RORA: variants seen among roughly 807,000 people sequenced by gnomAD.
The protein encoded by RORA is nuclear receptor ROR-alpha.
In RORA, 7 loss-of-function variants were observed where a neutral mutation model predicts 69.5. The ratio of observed to expected loss-of-function variants is 0.10; its 90% CI spans 0.06 to 0.19. RORA has a LOEUF of 0.19. Among genes scored for constraint, RORA ranks in the 10% least tolerant of loss-of-function variants. The pLI is 1.00. For synonymous variants in RORA, 261 were observed against 240.8 expected, an observed-to-expected ratio of 1.08 and a Z score of -0.78; for missense variants, 457 against 663.0, an observed-to-expected ratio of 0.69 and a Z score of 3.41.
At chr15:61,077,184 C>A (rs2078464209) in intron 1 of RORA, among the ~76,000 whole-genome samples, 1 of 145,466 alleles carries the variant, frequency 6.9e-6, no homozygotes. Flanking sequence ...TAGATGATAC[C>A]AGGTGTGATC....
rs1164728876 is a variant in RORA, at chr15:61,054,802, G to GT, written c.166+174250dup. ...TAACTTTCATCATGCATTTAAAACAGTTTTTTTTTGTTTTTTGTTTTTTGT... is the reference window on the plus strand; with the variant it reads ...TAACTTTCATCATGCATTTAAAACAGTTTTTTTTTTGTTTTTTGTTTTTTGT... On this transcript the variant is annotated intron_variant, in intron 1 of 10. Coordinates refer to ENST00000335670, the MANE Select transcript of RORA (RefSeq NM_134261.3). Among the ~76,000 whole-genome samples the GT allele has an allele frequency of 3.5e-4, 52 of 147,650 alleles. 1 individual carries two copies. The South Asian group carries it at 4.4e-3, about 12-fold the overall frequency.
intron 1 of RORA, among the ~76,000 whole-genome samples, chr15:61,138,965 G>A (rs1215945655): frequency 3.9e-5 from 6 of 152,212 alleles, no homozygotes; most frequent in Admixed American, 2.0e-4. Flanking sequence ...CTAACAGGGT[G>A]AAACCCCGTC....
intron 2 of RORA, among the ~76,000 whole-genome samples, chr15:60,554,296 A>G (rs796341465): frequency 6.6e-6 from 1 of 152,246 alleles, no homozygotes; most frequent in African/African-American, 2.4e-5. Context: ...AGGCTATTAT[A>G]TGGAAGTGTA....
chr15:60,867,406 T>C (rs2073502292), intron 1 of RORA, among the ~76,000 whole-genome samples: 1 of 152,270 alleles, frequency 6.6e-6, no homozygotes, highest in Admixed American at 6.5e-5. Context: ...AGTGTCAGAA[T>C]TGAGTTTAAT....
At chr15:61,104,249 G>A (rs548523404) in intron 1 of RORA, among the ~76,000 whole-genome samples, 1 of 152,176 alleles carries the variant, frequency 6.6e-6, no homozygotes, top group African/African-American at 2.4e-5. Context: ...AGGTCATTGA[G>A]GGAACGGAGA....
At chr15:60,879,540 T>A (rs1403331588) in intron 1 of RORA, among the ~76,000 whole-genome samples, 2 of 152,228 alleles carry the variant, frequency 1.3e-5, no homozygotes, top group Non-Finnish European at 2.9e-5. Flanking sequence ...TCTAATTAAA[T>A]GCAACCTGAT....
Position 60,516,185 on chromosome 15 carries a change from T to A in RORA, c.283-1428A>T, listed in dbSNP as rs866480278. 3.2e-3 allele frequency among the ~76,000 whole-genome samples: 62 copies of A among 19,278 alleles called. 1 individual carries two copies. The highest frequency in any genetic ancestry group is 0.014 in the African/African-American group (55 of 4,044). 12.6% of individuals were successfully genotyped at this position (19,278 alleles called of 152,430 possible). On this transcript the variant is annotated intron_variant, in intron 3 of 10. Transcript: ENST00000335670. ...TTTATATATATATTTATATATATAT[T>A]TATATATATATTTATATATATATTT...
At chr15:60,562,108 G>A (rs1172460394) in intron 2 of RORA, among the ~76,000 whole-genome samples, 4 of 151,546 alleles carry the variant, frequency 2.6e-5, no homozygotes, top group Non-Finnish European at 5.9e-5. Flanking sequence ...CACCACATCC[G>A]GCTAATTTTG....
chr15:60,658,103 T>A (rs1010815275), intron 2 of RORA, among the ~76,000 whole-genome samples: 1 of 151,772 alleles, frequency 6.6e-6, no homozygotes, highest in Non-Finnish European at 1.5e-5. Flanking sequence ...TTTTTGGAGA[T>A]GGAGTCTTGC....
At chr15:61,157,703 T>C (rs1017644094) in intron 1 of RORA, among the ~76,000 whole-genome samples, 7 of 152,204 alleles carry the variant, frequency 4.6e-5, no homozygotes, top group Non-Finnish European at 8.8e-5. Context: ...TTAGTGTATA[T>C]GTTTTAAAGG....
At chr15:60,983,402 G>C (rs558579304) in intron 1 of RORA, among the ~76,000 whole-genome samples, 2 of 152,246 alleles carry the variant, frequency 1.3e-5, no homozygotes, top group African/African-American at 4.8e-5. Context: ...TTTTGAAATA[G>C]CCCTGCAAAG....
chr15:60,547,673 T>TA, intron 2 of RORA: 1 of 151,470 alleles, frequency 6.6e-6, no homozygotes, highest in Non-Finnish European at 1.5e-5. Flanking sequence ...TTTCTTCACT[T>TA]ACCTTTTTCA....
chr15:60,699,943 A>G (rs2070959080), intron 1 of RORA, among the ~76,000 whole-genome samples: 1 of 152,188 alleles, frequency 6.6e-6, no homozygotes, highest in Non-Finnish European at 1.5e-5. Context: ...TTTCAGACAA[A>G]GTACGCATAA....
chr15:61,181,680 CA>C (rs749054081), intron 1 of RORA, among the ~76,000 whole-genome samples: 7,975 of 57,790 alleles, frequency 0.14, 198 homozygotes, highest in Admixed American at 0.23. Context: ...TTAGCTTTGG[CA>C]AAAAAAAAAA....
chr15:60,986,062 C>T (rs1193173554), intron 1 of RORA, among the ~76,000 whole-genome samples: 1 of 152,138 alleles, frequency 6.6e-6, no homozygotes, highest in African/African-American at 2.4e-5. Flanking sequence ...GGTCCCACAG[C>T]AAGACATAAG....
chr15:60,518,632 G>T (rs1368063186), intron 3 of RORA, among the ~76,000 whole-genome samples: 2 of 152,136 alleles, frequency 1.3e-5, no homozygotes, highest in African/African-American at 4.8e-5. Flanking sequence ...GGTCACCCTA[G>T]GGCTAGGTAC....
chr15:61,200,092 T>C (rs143368597), intron 1 of RORA, among the ~76,000 whole-genome samples: 3 of 152,290 alleles, frequency 2.0e-5, no homozygotes, highest in South Asian at 2.1e-4. Flanking sequence ...AGGGGTGACA[T>C]GAGGAAACTC....
intron 1 of RORA, among the ~76,000 whole-genome samples, chr15:60,728,804 A>G (rs550681191): frequency 1.3e-5 from 2 of 152,326 alleles, no homozygotes; most frequent in Non-Finnish European, 2.9e-5. Context: ...GTAGTAGGGG[A>G]GGTAACTCAC....
intron 1 of RORA, among the ~76,000 whole-genome samples, chr15:60,940,475 T>C (rs1449074683): frequency 1.3e-5 from 2 of 152,176 alleles, no homozygotes; most frequent in African/African-American, 2.4e-5. Context: ...AGAAAGCTGA[T>C]CTGTGGAAGC....
Sources: allele counts gnomAD v4.1 joint callset (sites outside exome capture counted in the v4.1 genomes callset), GRCh38; gene constraint gnomAD v4.1.1; transcripts MANE v1.5; gene names NCBI Gene and HGNC (gene_info 2026-07-23, HGNC 2026-07-21).